The following AGO1 variants were observed in gnomAD, a reference collection of about 807,000 sequenced individuals.
AGO1 encodes the protein argonaute RISC component 1.
Under a neutral mutation model 109.2 loss-of-function variants are expected in AGO1, and 11 were observed. The ratio of observed to expected loss-of-function variants is 0.10; its 90% CI spans 0.06 to 0.17. AGO1 has a LOEUF of 0.17. Among genes scored for constraint, AGO1 ranks in the 10% least tolerant of loss-of-function variants. The pLI, the probability that AGO1 is intolerant of heterozygous loss-of-function variation, is 1.00. For missense variants in AGO1, 574 were observed against 1,140.3 expected (o/e 0.50, Z 7.15); for synonymous variants, 422 against 418.6 (o/e 1.01, Z -0.10).
At chr1:35,878,337 G>A (rs1223235083), upstream of AGO1, among the ~76,000 whole-genome samples, 1 of 151,512 alleles carries the variant, frequency 6.6e-6, no homozygotes, top group Non-Finnish European at 1.5e-5. Flanking sequence ...CTCCCGGCTC[G>A]GCCTCCCACA....
At chr1:35,903,379 A>G (rs1645456838) in intron 11 of AGO1, among the ~76,000 whole-genome samples, 1 of 151,872 alleles carries the variant, frequency 6.6e-6, no homozygotes, top group African/African-American at 2.4e-5. Flanking sequence ...CATAGATACA[A>G]CATACAGTTA....
At chr1:35,880,223 C>T (rs146179828), upstream of AGO1, among the ~76,000 whole-genome samples, 1 of 151,820 alleles carries the variant, frequency 6.6e-6, no homozygotes, top group Non-Finnish European at 1.5e-5. Flanking sequence ...TGTGGTAGCT[C>T]ACCTTTGCCC....
intron 17 of AGO1, 92 bp from the exon 18 acceptor site, chr1:35,918,963 A>T (rs951796523): frequency 3.4e-6 from 4 of 1,176,466 alleles, no homozygotes; most frequent in Admixed American, 1.9e-5. Flanking sequence ...TGAATTATCT[A>T]CCCAGCCATA....
chr1:35,906,841 C>T (rs1017048842), intron 11 of AGO1, 94 bp from the exon 12 acceptor site: 17 of 1,099,300 alleles, frequency 1.5e-5, no homozygotes, highest in Non-Finnish European at 2.2e-5. Context: ...CTCTCAGTGC[C>T]TCTTATAGTG....
Position 35,894,024 on chromosome 1 carries a change from C to T in AGO1, c.650-13C>T, listed in dbSNP as rs765891475. ...AGAACCTGAGCTGAGCTATCTTTAC[C>T]CTGTCCCCACAGTCTCAGCCACTGC... On this transcript the variant is annotated splice_polypyrimidine_tract_variant and intron_variant, in intron 5 of 18. Coordinates refer to ENST00000373204, the MANE Select transcript of AGO1 (RefSeq NM_012199.5). 1.6e-5 allele frequency: 25 copies of T among 1,536,916 alleles called. No individual in the cohort carries two copies. In the South Asian group the frequency reaches 3.1e-4, roughly 19 times the overall value.
intron 1 of AGO1, among the ~76,000 whole-genome samples, chr1:35,877,163 A>G (rs1171157273): frequency 6.6e-6 from 1 of 152,168 alleles, no homozygotes; most frequent in African/African-American, 2.4e-5. Context: ...GAATCTGCAT[A>G]GAGTGTCAGA....
chr1:35,903,400 G>T (rs1056654038), intron 11 of AGO1, among the ~76,000 whole-genome samples: 1 of 151,804 alleles, frequency 6.6e-6, no homozygotes, highest in African/African-American at 2.4e-5. Context: ...GTTGGTTACT[G>T]CCATCTTTCG....
chr1:35,912,401 A>G (rs114314071), intron 12 of AGO1, among the ~76,000 whole-genome samples: 168 of 149,224 alleles, frequency 1.1e-3, no homozygotes, highest in African/African-American at 3.7e-3. Flanking sequence ...TTCAACTACT[A>G]CCTGTACCTA....
intron 12 of AGO1, 33 bp from the exon 13 acceptor site, chr1:35,913,809 G>A (rs757493261): frequency 6.2e-7 from 1 of 1,604,808 alleles, no homozygotes; most frequent in Admixed American, 1.7e-5. Context: ...AATATTTGTT[G>A]AATGCACTAA....
At chr1:35,913,360 G>A (rs771476946) in intron 12 of AGO1, among the ~76,000 whole-genome samples, 16 of 152,120 alleles carry the variant, frequency 1.1e-4, no homozygotes, top group Non-Finnish European at 1.9e-4. Flanking sequence ...ATCTCCTCTG[G>A]TAGGTCAGTC....
chr1:35,901,431 A>G lies in AGO1; in HGVS notation c.1021-43A>G, dbSNP rs1645414327. The stretch of plus-strand genomic sequence containing the variant: ...TTGTGGGGCTCTGGGTACAGGGTGG[A>G]CTGTACTCAAGCCAGAGCTACCTGT... On this transcript the variant is annotated intron_variant, in intron 8 of 18. Coordinates refer to ENST00000373204, the MANE Select transcript of AGO1 (RefSeq NM_012199.5). The surrounding 1 kb of genome is among the most constrained non-coding windows in gnomAD (Gnocchi z 4.8). 6.2e-7 allele frequency: 1 copy of G among 1,612,626 alleles called. No individual in the cohort carries two copies. The highest frequency in any genetic ancestry group is 1.3e-5 in the African/African-American group (1 of 75,006).
chr1:35,870,822 T>G (rs1395739749), intron 1 of AGO1, among the ~76,000 whole-genome samples: 1 of 152,234 alleles, frequency 6.6e-6, no homozygotes, highest in Non-Finnish European at 1.5e-5. Flanking sequence ...GTTTAATATG[T>G]ATATTTGTAT....
chr1:35,870,497 A>C (rs1036044061), intron 1 of AGO1, among the ~76,000 whole-genome samples: 4 of 151,902 alleles, frequency 2.6e-5, no homozygotes, highest in South Asian at 2.1e-4. Context: ...GTTAGCCAGG[A>C]TGGTCTCGAT....
rs368566325 is a variant in AGO1, at chr1:35,907,127, T to A, written c.1582+8T>A. 15 of 1,607,050 alleles carry A rather than the reference T, an allele frequency of 9.3e-6. No homozygotes were observed. In the African/African-American group the frequency reaches 2.0e-4, roughly 21 times the overall value. ...GGAAGACGCCGGTGTATGGTACAGT[T>A]CTCTTGGGACAGTGATAATGGTGAT... On this transcript the variant is annotated splice_region_variant and intron_variant, in intron 12 of 18. Transcript: ENST00000373204.
chr1:35,886,634 A>T (rs1645125231), intron 1 of AGO1, among the ~76,000 whole-genome samples: 1 of 152,038 alleles, frequency 6.6e-6, no homozygotes. Context: ...AAATATAAGA[A>T]CTTGGGGAGG....
At chr1:35,900,924 A>T (rs1335409537) in intron 8 of AGO1, among the ~76,000 whole-genome samples, 2 of 151,938 alleles carry the variant, frequency 1.3e-5, no homozygotes, top group Middle Eastern at 3.2e-3. Flanking sequence ...ATAAATAAAT[A>T]AATAAAATAT....
intron 11 of AGO1, among the ~76,000 whole-genome samples, chr1:35,906,064 C>T (rs1381146979): frequency 6.6e-6 from 1 of 152,114 alleles, no homozygotes; most frequent in African/African-American, 2.4e-5. Context: ...CTGCTTATTT[C>T]AGTTTTTGAG....
chr1:35,904,536 A>G (rs967237598), intron 11 of AGO1, among the ~76,000 whole-genome samples: 3 of 152,048 alleles, frequency 2.0e-5, no homozygotes, highest in African/African-American at 4.8e-5. Flanking sequence ...TCTTTCTCCC[A>G]TGTCCTTCCC....
chr1:35,888,382 A>C lies in AGO1; in HGVS notation c.26-45A>C. 1 of 1,594,998 alleles carries C rather than the reference A, an allele frequency of 6.3e-7. No individual in the cohort carries two copies. Among genetic ancestry groups the C allele is most frequent in the Non-Finnish European group, 8.6e-7 (1 of 1,166,900 alleles). ...TGTTCCTCCTCTGATAAGAGTAGTTAGGAGATTGCCAGACTTTACCCTCAC... is the reference window on the plus strand; with the variant it reads ...TGTTCCTCCTCTGATAAGAGTAGTTCGGAGATTGCCAGACTTTACCCTCAC... On this transcript the variant is annotated intron_variant, in intron 1 of 18. Coordinates refer to ENST00000373204, the MANE Select transcript of AGO1 (RefSeq NM_012199.5). The surrounding 1 kb of genome is among the most constrained non-coding windows in gnomAD (Gnocchi z 4.1).
Sources: allele counts gnomAD v4.1 joint callset (sites outside exome capture counted in the v4.1 genomes callset), GRCh38; gene constraint gnomAD v4.1.1; non-coding constraint Gnocchi (gnomAD v3.1); transcripts MANE v1.5; gene names NCBI Gene and HGNC (gene_info 2026-07-23, HGNC 2026-07-21).